FAM228B: variants seen among roughly 807,000 people sequenced by gnomAD.
FAM228B encodes protein FAM228B.
In FAM228B, 38 loss-of-function variants were observed where a neutral mutation model predicts 42.6. That is an observed-to-expected ratio of 0.89 (90% confidence interval 0.69 to 1.17). The LOEUF (loss-of-function observed/expected upper bound fraction) is 1.17. FAM228B is among the 50% of genes most tolerant of loss of function. The pLI is 0.00. For synonymous variants in FAM228B, 109 were observed against 122.3 expected (o/e 0.89, Z 0.72); for missense variants, 344 against 367.3 (o/e 0.94, Z 0.52).
rs545463605 is a variant in FAM228B at position 24,136,513 on chromosome 2, C to T, written c.168+1326C>T. Among the ~76,000 whole-genome samples the T allele has an allele frequency of 2.6e-5, 4 of 152,294 alleles. No individual in the cohort carries two copies. In the East Asian group the frequency reaches 7.7e-4, roughly 29 times the overall value. ...TGCTGGGATTACAGGCGTGGGATTG[C>T]CACTACGCCTGGCCAAGTTTTAATT... On this transcript the variant is annotated intron_variant, in intron 3 of 10. Coordinates refer to ENST00000615575, the MANE Select transcript of FAM228B (RefSeq NM_001145710.2).
upstream of FAM228B, chr2:24,122,566 T>C (rs144865682): frequency 2.7e-6 from 4 of 1,459,636 alleles, no homozygotes; most frequent in Admixed American, 1.7e-5. Flanking sequence ...GAAAGTGCAG[T>C]TGAAGCCATT....
intron 4 of FAM228B, among the ~76,000 whole-genome samples, chr2:24,138,945 C>CAA (rs35466262): frequency 0.12 from 16,328 of 133,934 alleles, 1,081 homozygotes; most frequent in South Asian, 0.18. Context: ...GACTCTGTCT[C>CAA]AAAAAAAAAA....
intron 7 of FAM228B, among the ~76,000 whole-genome samples, chr2:24,147,737 A>G (rs1038455028): frequency 6.6e-6 from 1 of 152,150 alleles, no homozygotes; most frequent in Non-Finnish European, 1.5e-5. Context: ...ATTTTTAGAT[A>G]GTTTTTATTT....
chr2:24,128,855 A>G (rs765615659), intron 2 of FAM228B, among the ~76,000 whole-genome samples: 5 of 151,960 alleles, frequency 3.3e-5, no homozygotes, highest in African/African-American at 9.7e-5. Flanking sequence ...CGTAGGGCCA[A>G]TTTTGTTTCA....
chr2:24,119,213 G>A (rs897188067), upstream of FAM228B, among the ~76,000 whole-genome samples: 14 of 151,820 alleles, frequency 9.2e-5, no homozygotes, highest in Non-Finnish European at 5.9e-5. Flanking sequence ...ATAGCTGACT[G>A]ATACAGGGGT....
chr2:24,099,172 A>G (rs1665559550), intron 3 of FAM228B, among the ~76,000 whole-genome samples: 1 of 152,158 alleles, frequency 6.6e-6, no homozygotes, highest in Admixed American at 6.5e-5. Context: ...CCCAGCCAAT[A>G]TCATACTGAA....
intron 5 of FAM228B, among the ~76,000 whole-genome samples, chr2:24,143,208 T>A (rs1028746252): frequency 3.9e-5 from 6 of 152,044 alleles, no homozygotes; most frequent in Admixed American, 3.9e-4. Context: ...TGAGACAGAG[T>A]CTCGCTCTGT....
At position 24,113,159 on chromosome 2, in the gene FAM228B, A is replaced by G. The variant is rs550748931; in HGVS notation, c.-121+17930A>G. ...ATCATTACTACCTAGCACAAAGCCG[A>G]CTATGTGCTAGGTAGTGGTGATACA... On this transcript the variant is annotated intron_variant, in intron 3 of 10. Coordinates refer to the FAM228B transcript ENST00000613899. 3.3e-5 allele frequency among the ~76,000 whole-genome samples: 5 copies of G among 152,280 alleles called. No homozygotes were observed. The South Asian group carries it at 1.0e-3, about 32-fold the overall frequency.
chr2:24,143,068 T>G (rs913515215), intron 5 of FAM228B, among the ~76,000 whole-genome samples: 1 of 152,212 alleles, frequency 6.6e-6, no homozygotes, highest in Non-Finnish European at 1.5e-5. Flanking sequence ...AACTAACCTT[T>G]AAGAAACTAC....
In FAM228B at chr2:24,080,510, C is replaced by A. The variant is rs187538741; in HGVS notation, c.-289-366C>A. On this transcript the variant is annotated intron_variant, in intron 1 of 10. Transcript: ENST00000613899. The surrounding 1 kb of genome is among the most constrained non-coding windows in gnomAD (Gnocchi z 4.7). ...CAAACTGGTCTCTGCCTCCAAGCCTCCTGTTAACTAAGTGTGGAATGGCTG... is the reference window on the plus strand; with the variant it reads ...CAAACTGGTCTCTGCCTCCAAGCCTACTGTTAACTAAGTGTGGAATGGCTG... 4.6e-5 allele frequency among the ~76,000 whole-genome samples: 7 copies of A among 152,302 alleles called. No individual in the cohort carries two copies. The highest frequency in any genetic ancestry group is 1.7e-4 in the African/African-American group (7 of 41,562).
At chr2:24,078,880 C>CT (rs35298792) in intron 1 of FAM228B, 1,630 of 149,740 alleles carry the variant, frequency 0.011, 27 homozygotes, top group African/African-American at 0.038. Context: ...AGCATATAAT[C>CT]TTTTTTTTTT....
intron 7 of FAM228B, among the ~76,000 whole-genome samples, chr2:24,155,240 G>A (rs1345270457): frequency 6.6e-6 from 1 of 151,880 alleles, no homozygotes; most frequent in Non-Finnish European, 1.5e-5. Context: ...ACATTAATGG[G>A]CATACAGTGA....
At chr2:24,086,309 A>G (rs1006752275) in intron 2 of FAM228B, among the ~76,000 whole-genome samples, 7 of 152,144 alleles carry the variant, frequency 4.6e-5, no homozygotes, top group Non-Finnish European at 1.0e-4. Context: ...TTAACCAAAT[A>G]AAAGAATACA....
intron 7 of FAM228B, among the ~76,000 whole-genome samples, chr2:24,148,597 G>A (rs574589109): frequency 4.0e-4 from 61 of 151,816 alleles, no homozygotes; most frequent in African/African-American, 1.4e-3. Context: ...ATTTTTGTAG[G>A]TACATAGTAG....
At chr2:24,113,391 G>A (rs562080104) in intron 3 of FAM228B, among the ~76,000 whole-genome samples, 2 of 152,184 alleles carry the variant, frequency 1.3e-5, no homozygotes, top group South Asian at 4.1e-4. Flanking sequence ...TGTGCAACAT[G>A]GTGAGACCCC....
chr2:24,077,153 C>T lies in FAM228B; in HGVS notation c.-290+184C>T, dbSNP rs4149373. On this transcript the variant is annotated intron_variant, in intron 1 of 10. Transcript: ENST00000613899. The surrounding 1 kb of genome is among the most constrained non-coding windows in gnomAD (Gnocchi z 5.5). Reference sequence around the variant, plus strand: ...GGTGGGGTGGGGCCCAGGTGAGTAGCGGGCAGGGCTGGGGCCTGCTGTGGT... The same window carrying T: ...GGTGGGGTGGGGCCCAGGTGAGTAGTGGGCAGGGCTGGGGCCTGCTGTGGT... Among the ~76,000 whole-genome samples, 23,077 of 151,512 alleles carry T rather than the reference C, an allele frequency of 0.15. 1,987 individuals are homozygous for T. Among genetic ancestry groups the T allele is most frequent in the South Asian group, 0.21 (992 of 4,790 alleles).
At chr2:24,151,507 G>A (rs528884734) in intron 7 of FAM228B, among the ~76,000 whole-genome samples, 1 of 151,898 alleles carries the variant, frequency 6.6e-6, no homozygotes, top group East Asian at 1.9e-4. Flanking sequence ...GGCCAGGCTG[G>A]TCTCAAACTC....
intron 7 of FAM228B, 128 bp downstream of exon 7, chr2:24,147,214 C>T (rs34273095): frequency 0.094 from 58,038 of 618,858 alleles, 3,212 homozygotes; most frequent in South Asian, 0.13. Flanking sequence ...GACAGAGTCT[C>T]ACTCTGAAAA....
intron 8 of FAM228B, 54 bp from the exon 9 acceptor site, chr2:24,164,144 T>A (rs777577601): frequency 6.9e-5 from 100 of 1,450,308 alleles, no homozygotes; most frequent in Non-Finnish European, 8.2e-5. Context: ...TATTAAGTGC[T>A]ACAGTTGAGT....
Sources: allele counts gnomAD v4.1 joint callset (sites outside exome capture counted in the v4.1 genomes callset), GRCh38; gene constraint gnomAD v4.1.1; non-coding constraint Gnocchi (gnomAD v3.1); transcripts MANE v1.5; gene names NCBI Gene and HGNC (gene_info 2026-07-23, HGNC 2026-07-21).